The following RIC8A variants were observed in gnomAD, a reference collection of about 807,000 sequenced individuals.
RIC8A encodes chaperone Ric-8A.
RIC8A carries 37 observed loss-of-function variants against 48.4 expected under a neutral mutation model. That is an observed-to-expected ratio of 0.77 (90% CI 0.59 to 1.01). The LOEUF is 1.01. Among genes scored for constraint, RIC8A ranks in the 50% least tolerant of loss-of-function variants. The pLI is 0.00. For missense variants in RIC8A, 681 were observed against 696.8 expected (o/e 0.98, Z 0.25); for synonymous variants, 288 against 283.4 (o/e 1.02, Z -0.16).
Position 208,976 on chromosome 11 carries a change from G to A in RIC8A, c.84+38G>A. 2 of 1,488,830 alleles carry A rather than the reference G, an allele frequency of 1.3e-6. No homozygotes were observed. Among genetic ancestry groups the A allele is most frequent in the Non-Finnish European group, 9.2e-7 (1 of 1,085,972 alleles). 92.2% of individuals were successfully genotyped at this position (1,488,830 alleles called of 1,614,324 possible). A position where few individuals can be genotyped will look rare whatever the true frequency, so the allele number is the denominator to read the frequency against. On this transcript the variant is annotated intron_variant, in intron 1 of 9. Coordinates refer to ENST00000526104, the MANE Select transcript of RIC8A (RefSeq NM_001286134.2). The surrounding 1 kb of genome is among the most constrained non-coding windows in gnomAD (Gnocchi z 4.8). ...CTGAGGCCGGGGGGCGGGCACGGAG[G>A]GGGTGGGGCAGGGTCGTGCGCGGGT...
Position 214,730 on chromosome 11 carries a change from G to A in RIC8A, c.*380G>A. On this transcript the variant is annotated 3_prime_UTR_variant, in exon 10 of 10. Transcript: ENST00000526104. The stretch of plus-strand genomic sequence containing the variant: ...GTGCACACAAAGCAAGCACCATCTG[G>A]GATTGGCACACTGGCAGAGCCAGTG... 2.7e-6 allele frequency: 1 copy of A among 364,704 alleles called. No homozygotes were observed. The highest frequency in any genetic ancestry group is 3.8e-5 in the Admixed American group (1 of 26,276). The allele number at this position is 364,704 out of a possible 1,614,324, so 22.6% of individuals were successfully genotyped here.
intron 5 of RIC8A, chr11:212,210 C>G: frequency 1.7e-6 from 1 of 593,858 alleles, no homozygotes; most frequent in Non-Finnish European, 3.0e-6. Context: ...TACGCTCTAT[C>G]CCTGTCCTTT....
At chr11:209,233 C>A in intron 1 of RIC8A, 38 bp from the exon 2 acceptor site, 1 of 1,613,528 alleles carries the variant, frequency 6.2e-7, no homozygotes, top group Non-Finnish European at 8.5e-7. Flanking sequence ...GCGGATCCTA[C>A]CCCTCTGTGG....
At chr11:214,139 G>A in intron 9 of RIC8A, 91 bp from the exon 10 acceptor site, 1 of 1,452,040 alleles carries the variant, frequency 6.9e-7, no homozygotes, top group Admixed American at 2.1e-5. Flanking sequence ...AGCCTACTTG[G>A]TAGAGAGGAA....
chr11:211,311 C>A lies in RIC8A; in HGVS notation c.931C>A (p.Arg311Ser). 1 of 1,614,108 alleles carries A rather than the reference C, an allele frequency of 6.2e-7. No homozygotes were observed. The highest frequency in any genetic ancestry group is 8.5e-7 in the Non-Finnish European group (1 of 1,179,986). The change falls in exon 5 of 10, where the codon CGT (arginine) becomes AGT (serine). Residue 311 changes from arginine to serine, a missense_variant. By Grantham distance (110) the Arg-to-Ser change is moderately radical. Coordinates refer to ENST00000526104, the MANE Select transcript of RIC8A (RefSeq NM_001286134.2). This position sits in a 1 kb window ranked among gnomAD's most constrained non-coding sequence, Gnocchi z 4.0. ...CATGGGAGTGAATATGGATGTGATT[C>A]GTGCCCTCCTCATCTTCCTAGAGAA... ...EFMGVNMDVI[R>S]ALLIFLEKRL...
At position 212,665 on chromosome 11, in the gene RIC8A, G is replaced by C; in HGVS notation, c.1116G>C (p.Met372Ile). Residue 372 changes from methionine to isoleucine, a missense_variant, in exon 7 of 10, where the codon ATG becomes ATC. By Grantham distance (10) the Met-to-Ile change is conservative. Coordinates refer to ENST00000526104, the MANE Select transcript of RIC8A (RefSeq NM_001286134.2). ...DVRTRPEVGE[M>I]LRNKLVRLMT... ...GGACACGGCCTGAGGTTGGGGAGAT[G>C]CTGCGGAACAAGCTTGTCCGCCTCA... 6.2e-7 allele frequency: 1 copy of C among 1,614,088 alleles called. No homozygotes were observed. Among genetic ancestry groups the C allele is most frequent in the Non-Finnish European group, 8.5e-7 (1 of 1,180,018 alleles).
Position 214,278 on chromosome 11 carries a change from G to T in RIC8A, c.1524G>T (p.Thr508=), listed in dbSNP as rs368554089. 6.2e-7 allele frequency: 1 copy of T among 1,613,616 alleles called. No homozygotes were observed. Among genetic ancestry groups the T allele is most frequent in the Non-Finnish European group, 8.5e-7 (1 of 1,179,882 alleles). ...GGATGAGTCCCCGGGGTCATCTTAC[G>T]TCCCTGCAGGATGCCATGTGCGAGA... ...PMGMSPRGHL[T]SLQDAMCETM... The change falls in exon 10 of 10, where the codon ACG becomes ACT. Residue 508 remains threonine, a synonymous_variant. Transcript: ENST00000526104.
chr11:212,150 T>G lies in RIC8A; in HGVS notation c.970-266T>G, dbSNP rs1172268789. 1.2e-5 allele frequency: 6 copies of G among 485,500 alleles called. No individual in the cohort carries two copies. In the East Asian group the frequency reaches 2.2e-4, roughly 18 times the overall value. 30.1% of individuals were successfully genotyped at this position (485,500 alleles called of 1,614,324 possible). A position where few individuals can be genotyped will look rare whatever the true frequency, so the allele number is the denominator to read the frequency against. On this transcript the variant is annotated intron_variant, in intron 5 of 9. Coordinates refer to ENST00000526104, the MANE Select transcript of RIC8A (RefSeq NM_001286134.2). ...TGGTTTATAGTTGAAGTAATTAGACTTAAAGCAGTTATTTCTCCCAAGTCA... is the reference window on the plus strand; with the variant it reads ...TGGTTTATAGTTGAAGTAATTAGACGTAAAGCAGTTATTTCTCCCAAGTCA...
Position 214,846 on chromosome 11 carries a change from G to A in RIC8A, c.*496G>A. 1 of 294,170 alleles carries A rather than the reference G, an allele frequency of 3.4e-6. No homozygotes were observed. The highest frequency in any genetic ancestry group is 3.1e-5 in the South Asian group (1 of 32,480). 18.2% of individuals were successfully genotyped at this position (294,170 alleles called of 1,614,324 possible). A position where few individuals can be genotyped will look rare whatever the true frequency, so the allele number is the denominator to read the frequency against. On this transcript the variant is annotated 3_prime_UTR_variant, in exon 10 of 10. Transcript: ENST00000526104. ...GAACACACCCTTCCAAGGTATGTAT[G>A]CTCTGTTGTTCCTGTCCTGTCTTCA...
rs188506551 is a variant in RIC8A, at chr11:213,267, G to T, written c.1356-32G>T. ...CCTCCTGTCCTGGAGAGTCACTAATGCATTCCCCACATTCCACCCACTGGG... is the reference window on the plus strand; with the variant it reads ...CCTCCTGTCCTGGAGAGTCACTAATTCATTCCCCACATTCCACCCACTGGG... On this transcript the variant is annotated intron_variant, in intron 8 of 9. Coordinates refer to ENST00000526104, the MANE Select transcript of RIC8A (RefSeq NM_001286134.2). The T allele has an allele frequency of 1.6e-4, 258 of 1,613,352 alleles. 1 individual carries two copies. The African/African-American group carries it at 2.5e-3, about 15-fold the overall frequency.
In RIC8A at chr11:211,423, C is replaced by T; in HGVS notation, c.969+74C>T. On this transcript the variant is annotated intron_variant, in intron 5 of 9. Coordinates refer to ENST00000526104, the MANE Select transcript of RIC8A (RefSeq NM_001286134.2). This position sits in a 1 kb window ranked among gnomAD's most constrained non-coding sequence, Gnocchi z 4.0. Reference sequence around the variant, plus strand: ...TTCTCCTGCACAGATGTGGTCAGTGCTTCCACACTGTCCACACTGGTACGT... The same window carrying T: ...TTCTCCTGCACAGATGTGGTCAGTGTTTCCACACTGTCCACACTGGTACGT... The T allele has an allele frequency of 2.1e-6, 3 of 1,452,666 alleles. No homozygotes were observed. The highest frequency in any genetic ancestry group is 1.2e-5 in the South Asian group (1 of 80,356). The allele number at this position is 1,452,666 out of a possible 1,614,324, so 90.0% of individuals were successfully genotyped here.
intron 8 of RIC8A, 65 bp downstream of exon 8, chr11:213,046 A>G: frequency 6.7e-7 from 1 of 1,492,032 alleles, no homozygotes; most frequent in Non-Finnish European, 9.0e-7. Flanking sequence ...TTCCACACCC[A>G]TGTGGACCCC....
rs760734891 is a variant in RIC8A, at chr11:208,980, T to A, written c.84+42T>A. On this transcript the variant is annotated intron_variant, in intron 1 of 9. Coordinates refer to ENST00000526104, the MANE Select transcript of RIC8A (RefSeq NM_001286134.2). This position sits in a 1 kb window ranked among gnomAD's most constrained non-coding sequence, Gnocchi z 4.8. Reference sequence around the variant, plus strand: ...GGCCGGGGGGCGGGCACGGAGGGGGTGGGGCAGGGTCGTGCGCGGGTAGCA... The same window carrying A: ...GGCCGGGGGGCGGGCACGGAGGGGGAGGGGCAGGGTCGTGCGCGGGTAGCA... 1.3e-5 allele frequency: 8 copies of A among 634,390 alleles called. No individual in the cohort carries two copies. Among genetic ancestry groups the A allele is most frequent in the Non-Finnish European group, 1.9e-5 (8 of 415,910 alleles). The allele number at this position is 634,390 out of a possible 1,614,324, so 39.3% of individuals were successfully genotyped here.
At chr11:212,378 GC>G in intron 5 of RIC8A, 37 bp from the exon 6 acceptor site, 1 of 1,582,596 alleles carries the variant, frequency 6.3e-7, no homozygotes, top group East Asian at 2.3e-5. Context: ...CACAAGTTAG[GC>G]AGGGGCATAG....
chr11:210,115 C>A, intron 3 of RIC8A, 115 bp downstream of exon 3: 4 of 911,576 alleles, frequency 4.4e-6, no homozygotes, highest in Non-Finnish European at 6.5e-6. Flanking sequence ...GAGGACAGGA[C>A]CTCCCAGCCT....
intron 1 of RIC8A, 156 bp from the exon 2 acceptor site, chr11:209,115 T>C (rs1330820446): frequency 8.5e-6 from 9 of 1,057,918 alleles, no homozygotes; most frequent in African/African-American, 3.1e-5. Flanking sequence ...GGTGCACCCG[T>C]TGGGTGGCAG....
rs757216832 is a variant in RIC8A at position 210,590 on chromosome 11, G to A, written c.746G>A (p.Arg249Gln). 1.9e-5 allele frequency: 31 copies of A among 1,613,976 alleles called. 1 individual carries two copies. In the Middle Eastern group the frequency reaches 4.9e-4, roughly 26 times the overall value. ...EVDEEDAALYRHLGTLLRHCV... is the reference protein window; with the variant it reads ...EVDEEDAALYQHLGTLLRHCV... ...GGTCAGGAAGACGCTGCCCTTTACC[G>A]ACACCTGGGGACCCTTCTCCGGCAC... The change falls in exon 4 of 10, where the codon CGA becomes CAA. Residue 249 changes from arginine (R) to glutamine (Q), a missense_variant. Arg to Gln is a conservative substitution (Grantham distance 43). Transcript: ENST00000526104.
Position 208,721 on chromosome 11 carries a change from A to G in RIC8A, c.-134A>G, listed in dbSNP as rs1410964288. On this transcript the variant is annotated 5_prime_UTR_variant, in exon 1 of 10. Transcript: ENST00000526104. This position sits in a 1 kb window ranked among gnomAD's most constrained non-coding sequence, Gnocchi z 4.8. The stretch of plus-strand genomic sequence containing the variant: ...GCCACCAGACGCTGCGCCCCGTTAA[A>G]GCGCCACCAGACGCCGCGCCCCGTC... 3.4e-6 allele frequency: 2 copies of G among 594,106 alleles called. No homozygotes were observed. Among genetic ancestry groups the G allele is most frequent in the African/African-American group, 4.0e-5 (2 of 49,804 alleles). The allele number at this position is 594,106 out of a possible 1,614,324, so 36.8% of individuals were successfully genotyped here.
Position 212,711 on chromosome 11 carries a change from G to A in RIC8A, c.1162G>A (p.Val388Met). ...VRLMTHLDTD[V>M]KRVAAEFLFV... ...CCTCATGACACACCTGGACACAGAT[G>A]TGAAGAGGGTGGCTGCCGAGTTCTT... Residue 388 changes from valine (V) to methionine (M), a missense_variant, in exon 7 of 10, where the codon GTG becomes ATG. Val to Met is a conservative substitution (Grantham distance 21). Coordinates refer to ENST00000526104, the MANE Select transcript of RIC8A (RefSeq NM_001286134.2). 6.2e-7 allele frequency: 1 copy of A among 1,614,110 alleles called. No homozygotes were observed. Among genetic ancestry groups the A allele is most frequent in the Non-Finnish European group, 8.5e-7 (1 of 1,180,036 alleles).
Sources: allele counts gnomAD v4.1 joint callset, GRCh38; gene constraint gnomAD v4.1.1; non-coding constraint Gnocchi (gnomAD v3.1); transcripts MANE v1.5; gene names NCBI Gene and HGNC (gene_info 2026-07-23, HGNC 2026-07-21).